The following JPH1 variants were observed in gnomAD, a reference collection of about 807,000 sequenced individuals.
The protein encoded by JPH1 is junctophilin 1, also known as junctophilin-1.
In JPH1, 12 loss-of-function variants were observed where a neutral mutation model predicts 53.6. The observed-to-expected ratio is 0.22, with a 90% confidence interval of 0.14 to 0.36. The LOEUF (loss-of-function observed/expected upper bound fraction) is 0.36, where lower values mean the gene tolerates loss of function less well. JPH1 is among the 10% of genes least tolerant of loss of function. The probability of loss-of-function intolerance (pLI) is 1.00; values close to 1 mark genes in which losing one functional copy is unlikely to be tolerated. For missense variants in JPH1, 808 were observed against 905.5 expected (o/e 0.89, Z 1.38); for synonymous variants, 375 against 363.8 (o/e 1.03, Z -0.35).
intron 3 of JPH1, among the ~76,000 whole-genome samples, chr8:74,248,409 G>A (rs1805928615): frequency 6.6e-6 from 1 of 152,210 alleles, no homozygotes; most frequent in Non-Finnish European, 1.5e-5. Context: ...CATCTGAGGT[G>A]TTATGGCCAG....
intron 2 of JPH1, among the ~76,000 whole-genome samples, chr8:74,293,484 G>A (rs1807401531): frequency 1.3e-5 from 2 of 152,210 alleles, no homozygotes; most frequent in African/African-American, 4.8e-5. Flanking sequence ...GCTTGGAGAG[G>A]TGAAACCGGT....
chr8:74,246,256 G>A (rs777836459), intron 3 of JPH1, among the ~76,000 whole-genome samples: 9 of 152,082 alleles, frequency 5.9e-5, no homozygotes, highest in Non-Finnish European at 1.2e-4. Context: ...TGCCCCCACC[G>A]ACATGCTTAT....
At chr8:74,270,214 T>C (rs1283689838) in intron 2 of JPH1, among the ~76,000 whole-genome samples, 1 of 152,210 alleles carries the variant, frequency 6.6e-6, no homozygotes, top group Non-Finnish European at 1.5e-5. Flanking sequence ...GGAACATTTT[T>C]AGGTGGTGTT....
intron 2 of JPH1, among the ~76,000 whole-genome samples, chr8:74,261,866 G>A (rs114106057): frequency 8.7e-4 from 133 of 152,088 alleles, no homozygotes; most frequent in African/African-American, 2.6e-3. Flanking sequence ...TAACTTATTC[G>A]GATTCAATCA....
chr8:74,311,842 A>G (rs1234945749), intron 2 of JPH1, among the ~76,000 whole-genome samples: 2 of 152,096 alleles, frequency 1.3e-5, no homozygotes, highest in East Asian at 3.8e-4. Context: ...CCTACAAAGG[A>G]CATGAACTCA....
At chr8:74,302,089 A>T (rs1807699292) in intron 2 of JPH1, among the ~76,000 whole-genome samples, 1 of 152,230 alleles carries the variant, frequency 6.6e-6, no homozygotes, top group Non-Finnish European at 1.5e-5. Flanking sequence ...GACAGATGTC[A>T]AATTCACACA....
intron 2 of JPH1, among the ~76,000 whole-genome samples, chr8:74,290,211 T>C (rs1026592022): frequency 6.6e-6 from 1 of 152,212 alleles, no homozygotes; most frequent in Admixed American, 6.5e-5. Context: ...TGTTTGCAGA[T>C]GACATGATTG....
chr8:74,266,837 T>C (rs1806546746), intron 2 of JPH1, among the ~76,000 whole-genome samples: 1 of 152,186 alleles, frequency 6.6e-6, no homozygotes, highest in Non-Finnish European at 1.5e-5. Flanking sequence ...AGCCCTGGCA[T>C]GCTAAGAATC....
chr8:74,315,407 TG>T lies in JPH1; in HGVS notation c.592del (p.His198ThrfsTer6). ...CTTGCCCGCTAGCTCAGCGTCTGCGTGGAAGTTGAGCACGAAACCGCCGCGG... is the reference window on the plus strand; with the variant it reads ...CTTGCCCGCTAGCTCAGCGTCTGCGTGAAGTTGAGCACGAAACCGCCGCGG... ...GTRGGFVLNF[H>X]ADAELAGKKK... On this transcript the variant is annotated frameshift_variant, in exon 2 of 6. Transcript: ENST00000342232. LOFTEE classifies it high-confidence loss of function. The surrounding 1 kb of genome is among the most constrained non-coding windows in gnomAD (Gnocchi z 6.3). The T allele has an allele frequency of 6.2e-7, 1 of 1,612,234 alleles. No homozygotes were observed. The highest frequency in any genetic ancestry group is 8.5e-7 in the Non-Finnish European group (1 of 1,179,848).
intron 2 of JPH1, among the ~76,000 whole-genome samples, chr8:74,292,541 G>A (rs560091621): frequency 6.6e-6 from 1 of 152,258 alleles, no homozygotes; most frequent in East Asian, 1.9e-4. Context: ...TGCATATGGG[G>A]GAAAAGAATG....
chr8:74,315,679 A>C lies in JPH1; in HGVS notation c.380-59T>G. 1 of 1,498,302 alleles carries C rather than the reference A, an allele frequency of 6.7e-7. No individual in the cohort carries two copies. The highest frequency in any genetic ancestry group is 8.9e-7 in the Non-Finnish European group (1 of 1,118,302). The allele number at this position is 1,498,302 out of a possible 1,614,324, so 92.8% of individuals were successfully genotyped here. On this transcript the variant is annotated intron_variant, in intron 1 of 5. Transcript: ENST00000342232. This position sits in a 1 kb window ranked among gnomAD's most constrained non-coding sequence, Gnocchi z 6.3. ...GGGGCAGAGCTGCACCGTCACCTGC[A>C]CCATCCAGCGCACACTGGCGCAGGC... is the stretch of plus-strand genomic sequence containing the variant.
intron 2 of JPH1, among the ~76,000 whole-genome samples, chr8:74,305,207 C>T (rs932225304): frequency 6.6e-6 from 1 of 152,186 alleles, no homozygotes; most frequent in Non-Finnish European, 1.5e-5. Flanking sequence ...AGTTTGGTGT[C>T]TTGAGTAAAG....
chr8:74,236,247 G>A lies in JPH1; in HGVS notation c.*804C>T, dbSNP rs1269986030. 2 of 152,290 alleles carry A rather than the reference G, an allele frequency of 1.3e-5. No homozygotes were observed. Among genetic ancestry groups the A allele is most frequent in the African/African-American group, 2.4e-5 (1 of 41,550 alleles). The allele number at this position is 152,290 out of a possible 1,614,324, so 9.4% of individuals were successfully genotyped here. On this transcript the variant is annotated 3_prime_UTR_variant, in exon 6 of 6. Transcript: ENST00000342232. The stretch of plus-strand genomic sequence containing the variant: ...AAATAACCTTTTACAAGTATAGGAA[G>A]AATAAATGACATAAAAGATGGTATA...
rs1002176028 is a variant in JPH1 at position 74,315,681 on chromosome 8, C to A, written c.380-61G>T. On this transcript the variant is annotated intron_variant, in intron 1 of 5. Transcript: ENST00000342232. This position sits in a 1 kb window ranked among gnomAD's most constrained non-coding sequence, Gnocchi z 6.3. Reference sequence around the variant, plus strand: ...GGCAGAGCTGCACCGTCACCTGCACCATCCAGCGCACACTGGCGCAGGCCT... The same window carrying A: ...GGCAGAGCTGCACCGTCACCTGCACAATCCAGCGCACACTGGCGCAGGCCT... 3.4e-6 allele frequency: 5 copies of A among 1,482,382 alleles called. No individual in the cohort carries two copies. Among genetic ancestry groups the A allele is most frequent in the Non-Finnish European group, 4.5e-6 (5 of 1,109,748 alleles). 91.8% of individuals were successfully genotyped at this position (1,482,382 alleles called of 1,614,324 possible).
At chr8:74,273,377 C>T (rs1228745848) in intron 2 of JPH1, among the ~76,000 whole-genome samples, 1 of 152,126 alleles carries the variant, frequency 6.6e-6, no homozygotes, top group African/African-American at 2.4e-5. Context: ...ACATACTTAA[C>T]TGAATTCTTC....
chr8:74,282,478 T>C (rs971462), intron 2 of JPH1, among the ~76,000 whole-genome samples: 55,218 of 152,082 alleles, frequency 0.36, 10,244 homozygotes, highest in South Asian at 0.49. Context: ...CTGAGGTGGG[T>C]ACCAACAGTC....
At position 74,314,995 on chromosome 8, in the gene JPH1, A is replaced by G. The variant is rs1354033325; in HGVS notation, c.1005T>C (p.Ile335=). The part of the protein sequence containing the change: ...SKEEGKYKNN[I]LVRGIRKQLI... ...GCTGCTTCCTTATCCCACGGACCAG[A>G]ATATTATTTTTGTATTTTCCCTCTT... The change falls in exon 2 of 6, where the codon ATT becomes ATC. Residue 335 remains isoleucine, a synonymous_variant. Coordinates refer to ENST00000342232, the MANE Select transcript of JPH1 (RefSeq NM_020647.4). 4 of 1,614,026 alleles carry G rather than the reference A, an allele frequency of 2.5e-6. No homozygotes were observed. In the Admixed American group the frequency reaches 6.7e-5, roughly 27 times the overall value.
At chr8:74,268,693 T>C (rs927460284) in intron 2 of JPH1, among the ~76,000 whole-genome samples, 9 of 150,748 alleles carry the variant, frequency 6.0e-5, no homozygotes, top group African/African-American at 2.2e-4. Flanking sequence ...GAATTACCAA[T>C]GTCAATGCTG....
At chr8:74,275,038 T>C (rs756035015) in intron 2 of JPH1, among the ~76,000 whole-genome samples, 1 of 152,224 alleles carries the variant, frequency 6.6e-6, no homozygotes, top group Non-Finnish European at 1.5e-5. Flanking sequence ...AAATTTTTAT[T>C]TGATTTTTTG....
Sources: allele counts gnomAD v4.1 joint callset (sites outside exome capture counted in the v4.1 genomes callset), GRCh38; gene constraint gnomAD v4.1.1; non-coding constraint Gnocchi (gnomAD v3.1); transcripts MANE v1.5; gene names NCBI Gene and HGNC (gene_info 2026-07-23, HGNC 2026-07-21).